WNK2: variants seen among roughly 807,000 people sequenced by gnomAD.
WNK2 encodes the protein serine/threonine-protein kinase WNK2.
WNK2 carries 67 observed loss-of-function variants against 192.1 expected under a neutral mutation model. The ratio of observed to expected loss-of-function variants is 0.35; its 90% CI spans 0.29 to 0.43. The LOEUF (loss-of-function observed/expected upper bound fraction) is 0.43. Among genes scored for constraint, WNK2 ranks in the 20% least tolerant of loss-of-function variants. The pLI is 1.00. For synonymous variants in WNK2, 1,439 were observed against 1,393.9 expected (o/e 1.03, Z -0.72); for missense variants, 2,698 against 3,089.7 (o/e 0.87, Z 3.01).
intron 19 of WNK2, among the ~76,000 whole-genome samples, chr9:93,273,601 G>C (rs909540271): frequency 6.6e-6 from 1 of 152,158 alleles, no homozygotes; most frequent in Non-Finnish European, 1.5e-5. Flanking sequence ...CAACACTCTC[G>C]ATAGATAGAA....
rs528886580 is a variant in WNK2 at position 93,233,063 on chromosome 9, T to C, written c.1076-1745T>C. On this transcript the variant is annotated intron_variant, in intron 4 of 29. Coordinates refer to ENST00000427277, the MANE Select transcript of WNK2 (RefSeq NM_006648.4). ...GAAAGAAAAAGAAATTGGCCCGGCATGGTGAACACCTGTAGTCCCAGCTAC... is the reference window on the plus strand; with the variant it reads ...GAAAGAAAAAGAAATTGGCCCGGCACGGTGAACACCTGTAGTCCCAGCTAC... Among the ~76,000 whole-genome samples, 4 of 150,396 alleles carry C rather than the reference T, an allele frequency of 2.7e-5. No individual in the cohort carries two copies. In the East Asian group the frequency reaches 5.9e-4, roughly 22 times the overall value.
At chr9:93,211,876 T>C (rs531589030) in intron 2 of WNK2, among the ~76,000 whole-genome samples, 5,219 of 150,728 alleles carry the variant, frequency 0.035, 297 homozygotes, top group African/African-American at 0.12. Context: ...ATTCACTCAT[T>C]CACACACTCA....
At chr9:93,309,161 A>T (rs1026938672) in intron 28 of WNK2, 2 of 979,936 alleles carry the variant, frequency 2.0e-6, no homozygotes, top group Admixed American at 6.1e-5. Context: ...TGTTATTTCT[A>T]TCTCAAATAT....
chr9:93,234,424 G>A (rs1839456164), intron 4 of WNK2, among the ~76,000 whole-genome samples: 1 of 152,220 alleles, frequency 6.6e-6, no homozygotes, highest in South Asian at 2.1e-4. Flanking sequence ...CAGGGTTTCT[G>A]AACGTGGCTG....
chr9:93,291,066 G>A (rs1849270514), intron 21 of WNK2, among the ~76,000 whole-genome samples: 1 of 152,326 alleles, frequency 6.6e-6, no homozygotes, highest in South Asian at 2.1e-4. Flanking sequence ...AAGAGGGGTC[G>A]GGGCAGCTGG....
intron 27 of WNK2, chr9:93,307,719 G>T (rs1051027828): frequency 6.6e-6 from 1 of 152,354 alleles, no homozygotes; most frequent in Non-Finnish European, 1.5e-5. Context: ...ATGCGAATGC[G>T]CTGGTCAGGA....
At chr9:93,282,892 G>A (rs1021470118) in intron 19 of WNK2, among the ~76,000 whole-genome samples, 8 of 152,076 alleles carry the variant, frequency 5.3e-5, no homozygotes, top group Admixed American at 3.3e-4. Flanking sequence ...TTAACTTTAC[G>A]CAGACCCAAA....
chr9:93,233,917 G>A (rs563396222), intron 4 of WNK2, among the ~76,000 whole-genome samples: 90 of 152,156 alleles, frequency 5.9e-4, no homozygotes, highest in African/African-American at 1.9e-3. Flanking sequence ...ACATGCAACC[G>A]GACTTATTTT....
intron 12 of WNK2, among the ~76,000 whole-genome samples, chr9:93,261,046 C>T (rs1367492385): frequency 6.6e-6 from 1 of 152,120 alleles, no homozygotes; most frequent in Non-Finnish European, 1.5e-5. Context: ...GCTGGCCACC[C>T]CATGGGGTAC....
chr9:93,261,490 G>T (rs895124222), intron 12 of WNK2, among the ~76,000 whole-genome samples: 1 of 152,226 alleles, frequency 6.6e-6, no homozygotes, highest in East Asian at 1.9e-4. Context: ...CCAGTGGGTG[G>T]TGGGGGCCTG....
intron 23 of WNK2, 109 bp from the exon 24 acceptor site, chr9:93,297,744 G>A (rs1380597457): frequency 1.7e-6 from 2 of 1,144,216 alleles, no homozygotes; most frequent in African/African-American, 3.1e-5. Context: ...CAGGCAGGGT[G>A]CCCACCCTTC....
chr9:93,257,202 C>A lies in WNK2; in HGVS notation c.2382+63C>A. ...ACGCTTTGCCAGGCCCTGGCTGGTG[C>A]ACTAGGACACCCACAGAGGGGGTTG... On this transcript the variant is annotated intron_variant, in intron 11 of 29. Transcript: ENST00000427277. This position sits in a 1 kb window ranked among gnomAD's most constrained non-coding sequence, Gnocchi z 4.7. 1 of 1,518,694 alleles carries A rather than the reference C, an allele frequency of 6.6e-7. No individual in the cohort carries two copies. Among genetic ancestry groups the A allele is most frequent in the Non-Finnish European group, 8.9e-7 (1 of 1,127,250 alleles). 94.1% of individuals were successfully genotyped at this position (1,518,694 alleles called of 1,614,324 possible). A position where few individuals can be genotyped will look rare whatever the true frequency, so the allele number is the denominator to read the frequency against.
At chr9:93,265,323 G>T (rs1844980789) in intron 16 of WNK2, among the ~76,000 whole-genome samples, 2 of 152,180 alleles carry the variant, frequency 1.3e-5, no homozygotes, top group Admixed American at 6.5e-5. Flanking sequence ...AGAAACCCTC[G>T]TAACAGGATC....
intron 2 of WNK2, among the ~76,000 whole-genome samples, chr9:93,223,213 C>G (rs984755456): frequency 2.6e-5 from 4 of 152,214 alleles, no homozygotes; most frequent in Non-Finnish European, 5.9e-5. Flanking sequence ...CAAAATGGCT[C>G]CACTGAGCCC....
chr9:93,238,196 C>G, intron 5 of WNK2, 37 bp from the exon 6 acceptor site: 14 of 1,603,880 alleles, frequency 8.7e-6, no homozygotes, highest in Non-Finnish European at 1.2e-5. Context: ...CTTCCGGCAG[C>G]CGATCGGGTC....
chr9:93,252,057 T>C (rs1277831183), intron 8 of WNK2, among the ~76,000 whole-genome samples: 1 of 152,148 alleles, frequency 6.6e-6, no homozygotes, highest in Non-Finnish European at 1.5e-5. Flanking sequence ...TTGTAAGTGG[T>C]AAATTCTAAA....
At chr9:93,254,689 C>T (rs1019269867) in intron 9 of WNK2, among the ~76,000 whole-genome samples, 3 of 152,150 alleles carry the variant, frequency 2.0e-5, no homozygotes, top group South Asian at 4.1e-4. Context: ...CGAGGCTGAA[C>T]GTGGTGGCTC....
At chr9:93,268,595 A>G in intron 18 of WNK2, 32 bp from the exon 19 acceptor site, 1 of 1,592,844 alleles carries the variant, frequency 6.3e-7, no homozygotes, top group Non-Finnish European at 8.5e-7. Context: ...GCGCTCACTC[A>G]CTCAGCGTGC....
intron 2 of WNK2, among the ~76,000 whole-genome samples, chr9:93,207,234 A>G (rs1427123158): frequency 1.3e-5 from 2 of 152,194 alleles, no homozygotes; most frequent in South Asian, 2.1e-4. Context: ...TCCCAACCCC[A>G]GTTAGTTATC....
Sources: allele counts gnomAD v4.1 joint callset (sites outside exome capture counted in the v4.1 genomes callset), GRCh38; gene constraint gnomAD v4.1.1; non-coding constraint Gnocchi (gnomAD v3.1); transcripts MANE v1.5; gene names NCBI Gene and HGNC (gene_info 2026-07-23, HGNC 2026-07-21).